LMBR1: variants seen among roughly 807,000 people sequenced by gnomAD.
LMBR1 encodes limb development membrane protein 1.
In LMBR1, 52 loss-of-function variants were observed where a neutral mutation model predicts 73.9. The observed-to-expected ratio is 0.70, with a 90% CI of 0.56 to 0.89. The LOEUF (loss-of-function observed/expected upper bound fraction) is 0.89, where lower values mean the gene tolerates loss of function less well. Ranked by LOEUF, LMBR1 falls within the 40% of genes least tolerant of loss-of-function variation. The probability of loss-of-function intolerance (pLI) is 0.00; values close to 1 mark genes in which losing one functional copy is unlikely to be tolerated. For missense variants in LMBR1, 539 were observed against 579.8 expected (o/e 0.93, Z 0.72); for synonymous variants, 215 against 209.4 (o/e 1.03, Z -0.23).
At chr7:156,762,846 A>AGTGT (rs35976164) in intron 7 of LMBR1, among the ~76,000 whole-genome samples, 18,857 of 148,530 alleles carry the variant, frequency 0.13, 1,193 homozygotes, top group East Asian at 0.17. Context: ...TGTGAGTGTG[A>AGTGT]GTGTGTGTGT....
At chr7:156,791,608 T>C (rs955486899) in intron 5 of LMBR1, among the ~76,000 whole-genome samples, 3 of 152,220 alleles carry the variant, frequency 2.0e-5, no homozygotes, top group Non-Finnish European at 2.9e-5. Flanking sequence ...CTCAGCTTTA[T>C]AGACATTCCA....
At chr7:156,889,329 C>G (rs1471082846) in intron 1 of LMBR1, among the ~76,000 whole-genome samples, 1 of 151,436 alleles carries the variant, frequency 6.6e-6, no homozygotes, top group Admixed American at 6.6e-5. Flanking sequence ...TTTAACGCCA[C>G]TGAACTGTAT....
chr7:156,892,788 G>A lies in LMBR1; in HGVS notation c.66+140C>T, dbSNP rs1803369149. The A allele has an allele frequency of 2.5e-5, 11 of 439,418 alleles. 1 individual carries two copies. In the South Asian group the frequency reaches 2.6e-4, roughly 10 times the overall value. 27.2% of individuals were successfully genotyped at this position (439,418 alleles called of 1,614,324 possible). A position where few individuals can be genotyped will look rare whatever the true frequency, so the allele number is the denominator to read the frequency against. On this transcript the variant is annotated intron_variant, in intron 1 of 16. Transcript: ENST00000353442. ...GGGGAGGGGAGAGGAGGGGTGGGGA[G>A]GGAGAGCGGCAGAGGCCGGGGCGGG...
At chr7:156,849,976 T>C (rs1796020810) in intron 1 of LMBR1, among the ~76,000 whole-genome samples, 1 of 152,206 alleles carries the variant, frequency 6.6e-6, no homozygotes, top group Non-Finnish European at 1.5e-5. Flanking sequence ...AATTTTGCTG[T>C]GAACCTAAAA....
chr7:156,833,852 T>C, intron 2 of LMBR1, 60 bp from the exon 3 acceptor site: 2 of 1,068,120 alleles, frequency 1.9e-6, no homozygotes, highest in Admixed American at 4.5e-5. Flanking sequence ...CGTCATTAAT[T>C]TATTAAAACT....
chr7:156,822,645 T>TA (rs1283812732), intron 4 of LMBR1: 1 of 151,448 alleles, frequency 6.6e-6, no homozygotes, highest in African/African-American at 2.4e-5. Flanking sequence ...CCAAATATTA[T>TA]AAAAAATATT....
At chr7:156,880,053 G>A (rs1460755278) in intron 1 of LMBR1, among the ~76,000 whole-genome samples, 2 of 152,164 alleles carry the variant, frequency 1.3e-5, no homozygotes, top group African/African-American at 4.8e-5. Context: ...TTGCATACAC[G>A]TTTATAGCAG....
At chr7:156,786,312 A>G (rs931496481) in intron 5 of LMBR1, among the ~76,000 whole-genome samples, 1 of 152,058 alleles carries the variant, frequency 6.6e-6, no homozygotes, top group African/African-American at 2.4e-5. Flanking sequence ...AAGAAGAAAA[A>G]GGTTAGCAGT....
At chr7:156,753,754 A>C (rs1821328558) in intron 9 of LMBR1, among the ~76,000 whole-genome samples, 1 of 151,950 alleles carries the variant, frequency 6.6e-6, no homozygotes, top group Non-Finnish European at 1.5e-5. Flanking sequence ...TGCTGTGGGG[A>C]AGGGGAAGGC....
At chr7:156,828,613 C>T (rs1006910424) in intron 3 of LMBR1, among the ~76,000 whole-genome samples, 1 of 152,076 alleles carries the variant, frequency 6.6e-6, no homozygotes, top group African/African-American at 2.4e-5. Flanking sequence ...TAAAAAAAAG[C>T]CATATCTACA....
At chr7:156,802,141 C>T (rs992095960) in intron 4 of LMBR1, among the ~76,000 whole-genome samples, 3 of 152,160 alleles carry the variant, frequency 2.0e-5, no homozygotes, top group African/African-American at 7.2e-5. Context: ...CGCCACTGCG[C>T]CAGGCTAATT....
chr7:156,732,912 C>T lies in LMBR1; in HGVS notation c.838+1265G>A, dbSNP rs1236637565. Among the ~76,000 whole-genome samples, 14 of 152,062 alleles carry T rather than the reference C, an allele frequency of 9.2e-5. No individual in the cohort carries two copies. In the South Asian group the frequency reaches 1.2e-3, roughly 14 times the overall value. On this transcript the variant is annotated intron_variant, in intron 10 of 16. Coordinates refer to ENST00000353442, the MANE Select transcript of LMBR1 (RefSeq NM_022458.4). ...TAATCCCAGTACTTTGGGAGGCTGA[C>T]GTGGGCAGAACACTTGAGCCCAGGA...
chr7:156,867,078 A>G (rs1184906447), intron 1 of LMBR1, among the ~76,000 whole-genome samples: 3 of 152,246 alleles, frequency 2.0e-5, no homozygotes, highest in African/African-American at 7.2e-5. Flanking sequence ...TAATAAAAAG[A>G]AAAATAACCC....
At position 156,678,753 on chromosome 7, in the gene LMBR1, A is replaced by T. The variant is rs1009246815; in HGVS notation, c.*5325T>A. On this transcript the variant is annotated 3_prime_UTR_variant, in exon 17 of 17. Transcript: ENST00000353442. ...TTCCTCCCTTATTTTAACAGGTTGG[A>T]ACCCACTTGTCTGACAGTCACCTTG... The T allele has an allele frequency of 6.6e-6, 1 of 152,148 alleles. No individual in the cohort carries two copies. The highest frequency in any genetic ancestry group is 1.5e-5 in the Non-Finnish European group (1 of 68,020). 9.4% of individuals were successfully genotyped at this position (152,148 alleles called of 1,614,324 possible). A position where few individuals can be genotyped will look rare whatever the true frequency, so the allele number is the denominator to read the frequency against.
chr7:156,708,148 T>C (rs889253295), intron 15 of LMBR1, among the ~76,000 whole-genome samples: 2 of 151,776 alleles, frequency 1.3e-5, no homozygotes, highest in African/African-American at 4.8e-5. Flanking sequence ...GCAGGACTAA[T>C]GTGCAGTTCC....
At position 156,670,216 on chromosome 7, in the gene LMBR1, C is replaced by T. The variant is rs557192165; in HGVS notation, n.867-929G>A. ...TATTTCCCACCCACTAGGGCACACA[C>T]ATTTCCTTCTTTGCAGAGGAGCTGG... On this transcript the variant is annotated intron_variant and non_coding_transcript_variant, in intron 4 of 4. Transcript: ENST00000430825. This position sits in a 1 kb window ranked among gnomAD's most constrained non-coding sequence, Gnocchi z 4.3. 6.6e-6 allele frequency among the ~76,000 whole-genome samples: 1 copy of T among 152,362 alleles called. No homozygotes were observed. Among genetic ancestry groups the T allele is most frequent in the Admixed American group, 6.5e-5 (1 of 15,310 alleles).
chr7:156,683,978 A>AGG lies in LMBR1; in HGVS notation c.*98_*99dup. On this transcript the variant is annotated 3_prime_UTR_variant, in exon 17 of 17. Transcript: ENST00000353442. ...GCACTGATAGGTCTAGGTTCTGAAGAGGGGCCACGGTTGAATGGAAATGCT... is the reference window on the plus strand; with the variant it reads ...GCACTGATAGGTCTAGGTTCTGAAGAGGGGGGCCACGGTTGAATGGAAATGCT... 1 of 933,780 alleles carries AGG rather than the reference A, an allele frequency of 1.1e-6. No individual in the cohort carries two copies. The highest frequency in any genetic ancestry group is 1.7e-6 in the Non-Finnish European group (1 of 588,644). The allele number at this position is 933,780 out of a possible 1,614,324, so 57.8% of individuals were successfully genotyped here.
intron 1 of LMBR1, among the ~76,000 whole-genome samples, chr7:156,858,361 C>T (rs545829374): frequency 6.6e-6 from 1 of 152,150 alleles, no homozygotes; most frequent in South Asian, 2.1e-4. Flanking sequence ...AAGACATAAT[C>T]TACCAAAACT....
chr7:156,712,882 A>G (rs1812371755), intron 15 of LMBR1, among the ~76,000 whole-genome samples: 1 of 152,192 alleles, frequency 6.6e-6, no homozygotes, highest in Non-Finnish European at 1.5e-5. Context: ...GGGAGGCTGG[A>G]CGATGAGAAA....
Sources: allele counts gnomAD v4.1 joint callset (sites outside exome capture counted in the v4.1 genomes callset), GRCh38; gene constraint gnomAD v4.1.1; non-coding constraint Gnocchi (gnomAD v3.1); transcripts MANE v1.5; gene names NCBI Gene and HGNC (gene_info 2026-07-23, HGNC 2026-07-21).